Variants in CCDC7 observed in about 807,000 individuals in gnomAD.
CCDC7 encodes the protein coiled-coil domain containing 7.
CCDC7 carries 183 observed loss-of-function variants against 196.9 expected under a neutral mutation model. The observed-to-expected ratio is 0.93, with a 90% CI of 0.82 to 1.05. The LOEUF (loss-of-function observed/expected upper bound fraction) is 1.05. Among genes scored for constraint, CCDC7 ranks in the 50% least tolerant of loss-of-function variants. The pLI, the probability that CCDC7 is intolerant of heterozygous loss-of-function variation, is 0.00. For synonymous variants in CCDC7, 525 were observed against 484.6 expected (o/e 1.08, Z -1.10); for missense variants, 1,540 against 1,482.2 (o/e 1.04, Z -0.64).
chr10:32,568,008 T>TGG lies in CCDC7; in HGVS notation c.1419+117_1419+118insGG, dbSNP rs35386168. 616 of 680,092 alleles carry TGG rather than the reference T, an allele frequency of 9.1e-4. 4 individuals are homozygous for TGG. The African/African-American group carries it at 0.011, about 12-fold the overall frequency. The allele number at this position is 680,092 out of a possible 1,614,324, so 42.1% of individuals were successfully genotyped here. A position where few individuals can be genotyped will look rare whatever the true frequency, so the allele number is the denominator to read the frequency against. ...AAAATTCATGCCTCTGTTTTTGGGTTTTTTTTTTTTTTTTTTTGAGATGGA... is the reference window on the plus strand; with the variant it reads ...AAAATTCATGCCTCTGTTTTTGGGTTGGTTTTTTTTTTTTTTTTTGAGATGGA... On this transcript the variant is annotated intron_variant, in intron 15 of 41. Coordinates refer to ENST00000639629, the Ensembl canonical transcript of CCDC7.
At chr10:32,611,023 AT>A (rs2062068221) in intron 18 of CCDC7, among the ~76,000 whole-genome samples, 1 of 152,190 alleles carries the variant, frequency 6.6e-6, no homozygotes, top group African/African-American at 2.4e-5. Context: ...GGTTGAACTA[AT>A]TGACACTCCC....
chr10:32,675,414 A>C (rs556308708), intron 21 of CCDC7, among the ~76,000 whole-genome samples: 1 of 152,206 alleles, frequency 6.6e-6, no homozygotes, highest in African/African-American at 2.4e-5. Context: ...TTACATTTTT[A>C]TTCCACCCCC....
At chr10:32,575,926 A>G (rs1006038659) in intron 16 of CCDC7, among the ~76,000 whole-genome samples, 8 of 152,184 alleles carry the variant, frequency 5.3e-5, no homozygotes, top group African/African-American at 1.9e-4. Flanking sequence ...ATGAGGATGT[A>G]GAACCAACAT....
chr10:32,701,983 T>C (rs2078829562), intron 24 of CCDC7, among the ~76,000 whole-genome samples: 1 of 152,212 alleles, frequency 6.6e-6, no homozygotes, highest in Non-Finnish European at 1.5e-5. Context: ...CCTGGATTCA[T>C]TGATTTTTTT....
intron 20 of CCDC7, among the ~76,000 whole-genome samples, chr10:32,636,695 G>T (rs1342913133): frequency 6.6e-6 from 1 of 152,184 alleles, no homozygotes; most frequent in Non-Finnish European, 1.5e-5. Context: ...ACATATGTGT[G>T]CATGTGTCTT....
chr10:32,825,824 C>T (rs2091028581), intron 32 of CCDC7, among the ~76,000 whole-genome samples: 2 of 152,132 alleles, frequency 1.3e-5, no homozygotes, highest in Admixed American at 6.5e-5. Flanking sequence ...CATGCACAGC[C>T]TCGCCAGGTG....
chr10:32,824,574 A>T lies in CCDC7; in HGVS notation c.3238A>T (p.Lys1080Ter), dbSNP rs1412694891. The change falls in exon 32 of 42, where the codon AAG becomes TAG. Residue 1080 changes from lysine (K) to a stop codon, truncating the protein, a stop_gained. Transcript: ENST00000639629. LOFTEE classifies it high-confidence loss of function. Reference sequence around the variant, plus strand: ...GAGAGGTACAATAAATGATGCAATTAAGACGCAGTTAAAGAGAAAGAGTTA... The same window carrying T: ...GAGAGGTACAATAAATGATGCAATTTAGACGCAGTTAAAGAGAAAGAGTTA... 1 of 1,611,878 alleles carries T rather than the reference A, an allele frequency of 6.2e-7. No homozygotes were observed. The highest frequency in any genetic ancestry group is 8.5e-7 in the Non-Finnish European group (1 of 1,178,626).
At chr10:32,715,415 A>G (rs1463414014) in intron 25 of CCDC7, among the ~76,000 whole-genome samples, 1 of 152,194 alleles carries the variant, frequency 6.6e-6, no homozygotes, top group Non-Finnish European at 1.5e-5. Flanking sequence ...TCAAAGACCA[A>G]AGGTAGATAA....
rs561438887 is a variant in CCDC7, at chr10:32,769,462, T to C, written c.2906-9515T>C. Among the ~76,000 whole-genome samples, 5 of 151,444 alleles carry C rather than the reference T, an allele frequency of 3.3e-5. No homozygotes were observed. The East Asian group carries it at 9.6e-4, about 29-fold the overall frequency. On this transcript the variant is annotated intron_variant, in intron 28 of 41. Transcript: ENST00000639629. Reference sequence around the variant, plus strand: ...GGGAACTGAGTTTTCATTTGGTTGATCCATTGTATTATTATTATTATTTCT... The same window carrying C: ...GGGAACTGAGTTTTCATTTGGTTGACCCATTGTATTATTATTATTATTTCT...
At chr10:32,595,159 G>A (rs542968405) in intron 18 of CCDC7, among the ~76,000 whole-genome samples, 1 of 152,238 alleles carries the variant, frequency 6.6e-6, no homozygotes, top group South Asian at 2.1e-4. Flanking sequence ...GCAGAATTTG[G>A]CTGTGAATCT....
chr10:32,767,994 T>A (rs1031362308), intron 28 of CCDC7, among the ~76,000 whole-genome samples: 3 of 151,916 alleles, frequency 2.0e-5, no homozygotes, highest in Non-Finnish European at 4.4e-5. Flanking sequence ...CATCAGAGTA[T>A]CTCAACAGCA....
At chr10:32,639,428 G>A (rs2066295627) in intron 20 of CCDC7, among the ~76,000 whole-genome samples, 1 of 151,992 alleles carries the variant, frequency 6.6e-6, no homozygotes, top group South Asian at 2.1e-4. Flanking sequence ...ATTCTGGTAT[G>A]TTGTGTCTTT....
At chr10:32,588,364 A>C (rs1310012714) in intron 18 of CCDC7, among the ~76,000 whole-genome samples, 1 of 126,074 alleles carries the variant, frequency 7.9e-6, no homozygotes, top group Non-Finnish European at 1.7e-5. Flanking sequence ...CAAACCATGA[A>C]ATGGTAACAG....
chr10:32,608,668 A>G (rs1759659), intron 18 of CCDC7, among the ~76,000 whole-genome samples: 140,518 of 152,192 alleles, frequency 0.92, 65,868 homozygotes, highest in East Asian at 1. Context: ...AGCCACCTGA[A>G]TAGCCGGGAC....
At chr10:32,680,615 G>A (rs902824428) in intron 21 of CCDC7, among the ~76,000 whole-genome samples, 20 of 147,722 alleles carry the variant, frequency 1.4e-4, no homozygotes, top group Non-Finnish European at 2.2e-4. Flanking sequence ...CCACCCTGGG[G>A]ACACACATAT....
At chr10:32,643,620 T>A (rs1362893509) in intron 20 of CCDC7, among the ~76,000 whole-genome samples, 6 of 152,042 alleles carry the variant, frequency 3.9e-5, no homozygotes, top group African/African-American at 1.4e-4. Flanking sequence ...TCTTTTTTTA[T>A]TCATTCTGAT....
At chr10:32,685,996 C>G in exon 22 of CCDC7, 1 of 1,583,062 alleles carries the variant, frequency 6.3e-7, no homozygotes, top group Non-Finnish European at 8.6e-7. Context: ...AAATGAAAGG[C>G]TTGTAGTTGA....
At chr10:32,485,328 A>T (rs917269813) in intron 8 of CCDC7, among the ~76,000 whole-genome samples, 1 of 152,132 alleles carries the variant, frequency 6.6e-6, no homozygotes, top group African/African-American at 2.4e-5. Flanking sequence ...TTTCTGTAGG[A>T]TTGGTGGTGA....
intron 5 of CCDC7, among the ~76,000 whole-genome samples, chr10:32,467,427 T>C (rs955038219): frequency 3.1e-5 from 4 of 128,002 alleles, no homozygotes; most frequent in Non-Finnish European, 5.9e-5. Context: ...CACTGTTTAA[T>C]GGTGTTGTTT....
Sources: allele counts gnomAD v4.1 joint callset (sites outside exome capture counted in the v4.1 genomes callset), GRCh38; gene constraint gnomAD v4.1.1; transcripts MANE v1.5; gene names NCBI Gene and HGNC (gene_info 2026-07-23, HGNC 2026-07-21).